MOB3B: variants seen among roughly 807,000 people sequenced by gnomAD.
MOB3B encodes the protein MOB kinase activator-like 2B.
In MOB3B, 7 loss-of-function variants were observed where a neutral mutation model predicts 18.7. That is an observed-to-expected ratio of 0.37 (90% CI 0.21 to 0.70). The LOEUF is 0.70. MOB3B is among the 30% of genes least tolerant of loss of function. The pLI, the probability that MOB3B is intolerant of heterozygous loss-of-function variation, is 0.52. For synonymous variants in MOB3B, 111 were observed against 99.9 expected (o/e 1.11, Z -0.66); for missense variants, 253 against 281.3 (o/e 0.90, Z 0.72).
intron 2 of MOB3B, among the ~76,000 whole-genome samples, chr9:27,445,361 T>C (rs938604565): frequency 1.3e-5 from 2 of 152,066 alleles, no homozygotes; most frequent in Non-Finnish European, 2.9e-5. Context: ...AGGGAGAGCT[T>C]ACGTAAGGAG....
chr9:27,430,772 A>G (rs1822405843), intron 2 of MOB3B, among the ~76,000 whole-genome samples: 1 of 152,108 alleles, frequency 6.6e-6, no homozygotes, highest in Admixed American at 6.6e-5. Context: ...TGAGGATTTT[A>G]TTGGTGGTTA....
chr9:27,442,332 A>T (rs1029356365), intron 2 of MOB3B, among the ~76,000 whole-genome samples: 6 of 152,170 alleles, frequency 3.9e-5, no homozygotes, highest in African/African-American at 1.4e-4. Context: ...CAGCATCCTA[A>T]TTCCGTTTTC....
chr9:27,524,229 G>C, intron 1 of MOB3B: 1 of 1,093,842 alleles, frequency 9.1e-7, no homozygotes, highest in South Asian at 1.8e-5. Flanking sequence ...TGACGAATGA[G>C]AAAACTCCTC....
intron 3 of MOB3B, among the ~76,000 whole-genome samples, chr9:27,344,929 C>T (rs922267077): frequency 6.6e-5 from 10 of 152,228 alleles, no homozygotes; most frequent in African/African-American, 1.4e-4. Flanking sequence ...TCGGCCTGGC[C>T]GCGACAGGGT....
chr9:27,417,485 T>G (rs1193025058), intron 2 of MOB3B, among the ~76,000 whole-genome samples: 1 of 152,182 alleles, frequency 6.6e-6, no homozygotes, highest in Non-Finnish European at 1.5e-5. Flanking sequence ...AACAATAAAG[T>G]TTCCTTTGAG....
intron 2 of MOB3B, among the ~76,000 whole-genome samples, chr9:27,439,751 A>G (rs1822565626): frequency 6.6e-6 from 1 of 152,154 alleles, no homozygotes; most frequent in African/African-American, 2.4e-5. Flanking sequence ...AGGTATGCAT[A>G]TATGTGCCCA....
rs1190980245 is a variant in MOB3B, at chr9:27,455,414, G to A, written c.137C>T (p.Ala46Val). Residue 46 changes from alanine to valine, a missense_variant, in exon 2 of 4, where the codon GCG (alanine) becomes GTG (valine). By Grantham distance (64) the Ala-to-Val change is moderately conservative. Coordinates refer to ENST00000262244, the MANE Select transcript of MOB3B (RefSeq NM_024761.5). ...ASLNSGVDLK[A>V]AVQLPSGEDQ... ...CTCCCCACTGGGCAACTGCACAGCC[G>A]CCTTCAGGTCCACACCCGAGTTGAG... 9 of 1,614,160 alleles carry A rather than the reference G, an allele frequency of 5.6e-6. No homozygotes were observed. Among genetic ancestry groups the A allele is most frequent in the South Asian group, 1.1e-5 (1 of 91,072 alleles).
At chr9:27,373,959 T>C (rs2131369164) in intron 2 of MOB3B, among the ~76,000 whole-genome samples, 1 of 152,366 alleles carries the variant, frequency 6.6e-6, no homozygotes, top group Middle Eastern at 3.4e-3. Flanking sequence ...AGTAGCCTAG[T>C]CTTAGCCAAT....
rs1054868587 is a variant in MOB3B, at chr9:27,328,005, C to T, written c.*2582G>A. 1 of 151,438 alleles carries T rather than the reference C, an allele frequency of 6.6e-6. No homozygotes were observed. 9.4% of individuals were successfully genotyped at this position (151,438 alleles called of 1,614,324 possible). ...TACTCAGGAGGCTAAGGTTGAAGCT[C>T]ACTTGAGGCAAGGGGTTCAAGGCCA... On this transcript the variant is annotated 3_prime_UTR_variant, in exon 4 of 4. Coordinates refer to ENST00000262244, the MANE Select transcript of MOB3B (RefSeq NM_024761.5).
chr9:27,420,578 TATATATATATATATATATG>T (rs2131411688), intron 2 of MOB3B, among the ~76,000 whole-genome samples: 1 of 126,688 alleles, frequency 7.9e-6, no homozygotes, highest in African/African-American at 3.0e-5. Flanking sequence ...TATATATATA[TATATATATATATATATATG>T]GAATACTACA....
intron 2 of MOB3B, among the ~76,000 whole-genome samples, chr9:27,415,292 G>A (rs1822127750): frequency 6.6e-6 from 1 of 152,158 alleles, no homozygotes; most frequent in Non-Finnish European, 1.5e-5. Flanking sequence ...GGTACTGTTT[G>A]CTTTTAGAAA....
intron 2 of MOB3B, among the ~76,000 whole-genome samples, chr9:27,411,187 T>G (rs767409717): frequency 3.3e-5 from 5 of 152,238 alleles, no homozygotes; most frequent in Non-Finnish European, 7.3e-5. Context: ...TCTTTCCTGG[T>G]AGCTGTACCT....
At position 27,327,004 on chromosome 9, in the gene MOB3B, G is replaced by GA. The variant is rs965760947; in HGVS notation, c.*3582dup. Reference sequence around the variant, plus strand: ...AAATGGGAGGTCATTGAAGACGGGAGAAAAAATAAAAGCGTTGAATATTTC... The same window carrying GA: ...AAATGGGAGGTCATTGAAGACGGGAGAAAAAAATAAAAGCGTTGAATATTTC... On this transcript the variant is annotated 3_prime_UTR_variant, in exon 4 of 4. Transcript: ENST00000262244. The GA allele has an allele frequency of 6.4e-6, 1 of 156,026 alleles. No individual in the cohort carries two copies. Among genetic ancestry groups the GA allele is most frequent in the Non-Finnish European group, 1.4e-5 (1 of 70,790 alleles). 9.7% of individuals were successfully genotyped at this position (156,026 alleles called of 1,614,324 possible).
At chr9:27,399,868 C>T (rs142905120) in intron 2 of MOB3B, among the ~76,000 whole-genome samples, 15 of 152,298 alleles carry the variant, frequency 9.8e-5, no homozygotes, top group Non-Finnish European at 1.0e-4. Context: ...TGAGTGCTAT[C>T]ACTACTGACT....
intron 2 of MOB3B, among the ~76,000 whole-genome samples, chr9:27,452,199 C>T (rs1218351099): frequency 6.7e-6 from 1 of 149,774 alleles, no homozygotes; most frequent in Non-Finnish European, 1.5e-5. Flanking sequence ...CATCCATCCA[C>T]CCACCCGTCC....
chr9:27,352,568 T>C (rs964371477), intron 3 of MOB3B, among the ~76,000 whole-genome samples: 13 of 152,194 alleles, frequency 8.5e-5, no homozygotes, highest in South Asian at 4.1e-4. Context: ...GGAGCAACAA[T>C]GAAAAGGACT....
rs577287621 is a variant in MOB3B, at chr9:27,342,864, T to C, written c.622-12248A>G. ...GCCTTGGCCTCCCAAAGTGCCGAGA[T>C]TGCAGCCTCTGCCCGGCCGCCACCC... On this transcript the variant is annotated intron_variant, in intron 3 of 3. Transcript: ENST00000262244. 3.0e-3 allele frequency among the ~76,000 whole-genome samples: 451 copies of C among 151,484 alleles called. 1 individual carries two copies. Among genetic ancestry groups the C allele is most frequent in the Non-Finnish European group, 5.9e-3 (398 of 68,012 alleles).
At chr9:27,480,059 TAA>T (rs35766164) in intron 1 of MOB3B, among the ~76,000 whole-genome samples, 30 of 136,492 alleles carry the variant, frequency 2.2e-4, no homozygotes, top group Non-Finnish European at 2.4e-4. Flanking sequence ...ACTGTCTCTT[TAA>T]AAAAAAAAAA....
chr9:27,524,983 T>C (rs756937353), intron 1 of MOB3B: 38 of 1,521,050 alleles, frequency 2.5e-5, no homozygotes, highest in Non-Finnish European at 3.2e-5. Context: ...GAATTAAAAT[T>C]CCTTTTCCCT....
Sources: gnomAD v4.1 joint callset for allele counts (sites outside exome capture counted in the v4.1 genomes callset) on GRCh38, gnomAD v4.1.1 for gene constraint, MANE v1.5 for transcripts, NCBI Gene and HGNC (gene_info 2026-07-23, HGNC 2026-07-21) for gene names.